RND3: variants seen among roughly 807,000 people sequenced by gnomAD.
RND3 encodes the protein rho-related GTP-binding protein RhoE.
In RND3, 8 loss-of-function variants were observed where a neutral mutation model predicts 26.5. The observed-to-expected ratio is 0.30, with a 90% CI of 0.18 to 0.54. The LOEUF is 0.54. RND3 is among the 20% of genes least tolerant of loss of function. The pLI, the probability that RND3 is intolerant of heterozygous loss-of-function variation, is 0.94. For synonymous variants in RND3, 113 were observed against 113.0 expected, an observed-to-expected ratio of 1.00 and a Z score of 0.00; for missense variants, 207 against 302.8, an observed-to-expected ratio of 0.68 and a Z score of 2.35.
intron 5 of RND3, 126 bp downstream of exon 5, chr2:150,471,501 T>C: frequency 1.3e-6 from 1 of 744,912 alleles, no homozygotes; most frequent in Non-Finnish European, 2.1e-6. Context: ...GCATTTTAAA[T>C]TTCACAACTG....
chr2:150,481,422 A>G (rs1686267538), intron 3 of RND3, among the ~76,000 whole-genome samples: 1 of 152,204 alleles, frequency 6.6e-6, no homozygotes, highest in South Asian at 2.1e-4. Flanking sequence ...ATCTCAGTCT[A>G]CTGGCATCTC....
At chr2:150,483,029 A>T (rs1418530114) in intron 3 of RND3, among the ~76,000 whole-genome samples, 2 of 152,220 alleles carry the variant, frequency 1.3e-5, no homozygotes, top group Non-Finnish European at 2.9e-5. Flanking sequence ...GATGCGGGAA[A>T]AAAGGAAGAG....
intron 2 of RND3, 42 bp downstream of exon 2, chr2:150,487,226 C>T (rs1324377599): frequency 6.6e-7 from 1 of 1,513,888 alleles, no homozygotes; most frequent in Non-Finnish European, 8.9e-7. Flanking sequence ...TGGGATCCCA[C>T]TGGCCGACCC....
At position 150,470,165 on chromosome 2, in the gene RND3, A is replaced by C. The variant is rs1192595445; in HGVS notation, c.557T>G (p.Val186Gly). 1 of 1,613,812 alleles carries C rather than the reference A, an allele frequency of 6.2e-7. No homozygotes were observed. Among genetic ancestry groups the C allele is most frequent in the Non-Finnish European group, 8.5e-7 (1 of 1,179,908 alleles). Residue 186 changes from valine (V) to glycine (G), a missense_variant, in exon 6 of 6, where the codon GTC becomes GGC. Val to Gly is a moderately radical substitution (Grantham distance 109, BLOSUM62 -3). Coordinates refer to ENST00000263895, the MANE Select transcript of RND3 (RefSeq NM_005168.5). ...ECSALQSENS[V>G]RDIFHVATLA... is the part of the protein sequence containing the mutation. ...GGTGGCAACGTGAAAAATGTCTCTG[A>C]CGCTATTTTCCGACTGTAAAGCTGA...
chr2:150,484,383 G>T (rs969445724), intron 3 of RND3, among the ~76,000 whole-genome samples: 27 of 152,288 alleles, frequency 1.8e-4, no homozygotes, highest in African/African-American at 6.5e-4. Flanking sequence ...TCCCCTAAAA[G>T]AATCAATTTA....
Position 150,486,677 on chromosome 2 carries a change from G to C in RND3, c.238+17C>G. On this transcript the variant is annotated intron_variant, in intron 3 of 5. Coordinates refer to ENST00000263895, the MANE Select transcript of RND3 (RefSeq NM_005168.5). This position sits in a 1 kb window ranked among gnomAD's most constrained non-coding sequence, Gnocchi z 4.5. ...TGGAAACCCGCCCCAAGCGCCACGCGGTCCTCCCACTCTTACCCGAAGTGT... is the reference window on the plus strand; with the variant it reads ...TGGAAACCCGCCCCAAGCGCCACGCCGTCCTCCCACTCTTACCCGAAGTGT... 6.3e-7 allele frequency: 1 copy of C among 1,575,904 alleles called. No homozygotes were observed. Among genetic ancestry groups the C allele is most frequent in the Non-Finnish European group, 8.7e-7 (1 of 1,145,224 alleles).
rs562865261 is a variant in RND3 at position 150,487,391 on chromosome 2, T to C, written c.27A>G (p.Lys9=). MKERRASQ[K]LSSKSIMDPN... ...GATCCATGATAGATTTGCTGGATAA[T>C]TTCTGGCTGGCTCTTCTCTCCTTCA... The change falls in exon 2 of 6, where the codon AAA becomes AAG. Residue 9 remains lysine (K), a synonymous_variant. Coordinates refer to ENST00000263895, the MANE Select transcript of RND3 (RefSeq NM_005168.5). 5 of 1,541,586 alleles carry C rather than the reference T, an allele frequency of 3.2e-6. No homozygotes were observed. In the South Asian group the frequency reaches 5.0e-5, roughly 16 times the overall value.
chr2:150,482,646 G>C (rs922428035), intron 3 of RND3, among the ~76,000 whole-genome samples: 1 of 149,676 alleles, frequency 6.7e-6, no homozygotes. Flanking sequence ...TTGTTGGGGG[G>C]GCTGGAGTAC....
intron 3 of RND3, among the ~76,000 whole-genome samples, chr2:150,479,577 GA>G (rs1431735230): frequency 6.6e-6 from 1 of 152,194 alleles, no homozygotes; most frequent in African/African-American, 2.4e-5. Context: ...GAGAAAAGTA[GA>G]TTAACTTTTG....
chr2:150,475,952 G>A (rs1455157782), intron 3 of RND3, among the ~76,000 whole-genome samples: 2 of 152,140 alleles, frequency 1.3e-5, no homozygotes, highest in Non-Finnish European at 2.9e-5. Flanking sequence ...GAATTCCAAA[G>A]GATGGGCAAT....
chr2:150,474,049 T>G (rs1318316773), intron 4 of RND3, among the ~76,000 whole-genome samples: 1 of 152,184 alleles, frequency 6.6e-6, no homozygotes, highest in African/African-American at 2.4e-5. Flanking sequence ...AAATAGCTAG[T>G]GGCTAATAAA....
intron 5 of RND3, 113 bp downstream of exon 5, chr2:150,471,514 C>A: frequency 2.4e-6 from 2 of 827,720 alleles, no homozygotes; most frequent in South Asian, 2.1e-5. Flanking sequence ...CACAACTGAC[C>A]ACTGGGTGAG....
At chr2:150,475,966 A>G (rs1356264473) in intron 3 of RND3, among the ~76,000 whole-genome samples, 1 of 152,224 alleles carries the variant, frequency 6.6e-6, no homozygotes, top group African/African-American at 2.4e-5. Flanking sequence ...GGGCAATTAC[A>G]TGAGGCCTAT....
At position 150,487,468 on chromosome 2, in the gene RND3, A is replaced by G. The variant is rs752616260; in HGVS notation, c.-38-13T>C. The G allele has an allele frequency of 1.2e-5, 5 of 426,882 alleles. No homozygotes were observed. The highest frequency in any genetic ancestry group is 5.8e-4 in the Middle Eastern group (1 of 1,736). The allele number at this position is 426,882 out of a possible 1,614,324, so 26.4% of individuals were successfully genotyped here. ...ACAGGAATTTTCTCTTAAGAAGAAAAAAAAAAATATATATATATATATATA... is the reference window on the plus strand; with the variant it reads ...ACAGGAATTTTCTCTTAAGAAGAAAGAAAAAAATATATATATATATATATA... On this transcript the variant is annotated splice_polypyrimidine_tract_variant and intron_variant, in intron 1 of 5. Coordinates refer to ENST00000263895, the MANE Select transcript of RND3 (RefSeq NM_005168.5).
chr2:150,485,563 T>C (rs572478796), intron 3 of RND3, among the ~76,000 whole-genome samples: 1 of 152,310 alleles, frequency 6.6e-6, no homozygotes, highest in East Asian at 1.9e-4. Context: ...CCTTGCTAAA[T>C]TCCCAGCCCT....
At chr2:150,476,800 C>A (rs1376733760) in intron 3 of RND3, among the ~76,000 whole-genome samples, 1 of 152,192 alleles carries the variant, frequency 6.6e-6, no homozygotes, top group African/African-American at 2.4e-5. Context: ...GAATAATTCA[C>A]AAATAGTTCA....
At position 150,469,798 on chromosome 2, in the gene RND3, A is replaced by G. The variant is rs1427452298; in HGVS notation, c.*189T>C. 1.0e-5 allele frequency: 6 copies of G among 600,946 alleles called. No homozygotes were observed. Among genetic ancestry groups the G allele is most frequent in the Non-Finnish European group, 1.7e-5 (6 of 345,790 alleles). 37.2% of individuals were successfully genotyped at this position (600,946 alleles called of 1,614,324 possible). On this transcript the variant is annotated 3_prime_UTR_variant, in exon 6 of 6. Coordinates refer to ENST00000263895, the MANE Select transcript of RND3 (RefSeq NM_005168.5). ...CACTTAAAAACTCTTCCATGTATTC[A>G]CTTCTCATCACTTGGTCTACATGCC...
intron 3 of RND3, among the ~76,000 whole-genome samples, chr2:150,480,909 C>T (rs1361330390): frequency 2.0e-5 from 3 of 152,152 alleles, no homozygotes; most frequent in Non-Finnish European, 4.4e-5. Flanking sequence ...CCCTAAGCTC[C>T]AATGGATCAT....
rs1357322510 is a variant in RND3 at position 150,468,633 on chromosome 2, C to T, written c.*1354G>A. The T allele has an allele frequency of 1.3e-5, 2 of 152,636 alleles. No homozygotes were observed. Among genetic ancestry groups the T allele is most frequent in the African/African-American group, 2.4e-5 (1 of 41,450 alleles). The allele number at this position is 152,636 out of a possible 1,614,324, so 9.5% of individuals were successfully genotyped here. ...CATGGGAAAGAAAGCTCGTTTTCAA[C>T]AAGCGCCAACAATAAACAGGTCAGA... On this transcript the variant is annotated 3_prime_UTR_variant, in exon 6 of 6. Coordinates refer to ENST00000263895, the MANE Select transcript of RND3 (RefSeq NM_005168.5).
Sources: allele counts gnomAD v4.1 joint callset (sites outside exome capture counted in the v4.1 genomes callset), GRCh38; gene constraint gnomAD v4.1.1; non-coding constraint Gnocchi (gnomAD v3.1); transcripts MANE v1.5; gene names NCBI Gene and HGNC (gene_info 2026-07-23, HGNC 2026-07-21).